HTR3E: variants seen among roughly 807,000 people sequenced by gnomAD.
HTR3E encodes 5-hydroxytryptamine receptor 3E.
In HTR3E, 38 loss-of-function variants were observed where a neutral mutation model predicts 38.0. That is an observed-to-expected ratio of 1.00 (90% CI 0.77 to 1.31). The LOEUF is 1.31. Among genes scored for constraint, HTR3E ranks in the 50% most tolerant of loss-of-function variants. The pLI is 0.00. For missense variants in HTR3E, 547 were observed against 585.2 expected, an observed-to-expected ratio of 0.93 and a Z score of 0.67; for synonymous variants, 210 against 232.9, an observed-to-expected ratio of 0.90 and a Z score of 0.89.
intron 2 of HTR3E, among the ~76,000 whole-genome samples, chr3:184,100,949 T>TTTTGTA (rs1254705667): frequency 2.6e-5 from 4 of 152,020 alleles, no homozygotes; most frequent in Non-Finnish European, 5.9e-5. Context: ...TTGTTTTTGT[T>TTTTGTA]TTTGTATTTT....
Position 184,097,498 on chromosome 3 carries a change from T to C in HTR3E, c.-32T>C, listed in dbSNP as rs943774488. On this transcript the variant is annotated 5_prime_UTR_variant, in exon 1 of 9. Transcript: ENST00000415389. ...TAATCTGGGCATTCCTGGGTCCCAGTACATGTTCAGAGAAGAACTTAGACA... is the reference window on the plus strand; with the variant it reads ...TAATCTGGGCATTCCTGGGTCCCAGCACATGTTCAGAGAAGAACTTAGACA... The C allele has an allele frequency of 1.1e-5, 16 of 1,509,672 alleles. No individual in the cohort carries two copies. Among genetic ancestry groups the C allele is most frequent in the Non-Finnish European group, 1.2e-5 (13 of 1,122,992 alleles). 93.5% of individuals were successfully genotyped at this position (1,509,672 alleles called of 1,614,324 possible).
At chr3:184,101,416 T>C (rs1236855758) in intron 2 of HTR3E, 69 bp from the exon 3 acceptor site, 2 of 1,295,896 alleles carry the variant, frequency 1.5e-6, no homozygotes, top group Non-Finnish European at 2.2e-6. Context: ...TAAACAAGCA[T>C]GGGAAGTGGG....
rs1475646397 is a variant in HTR3E, at chr3:184,097,665, C to A, written c.67+69C>A. ...CTCTCTCTAGTAGAACATCTAGGAACTTTTTTCAAATTTCCAACTCCTAGA... is the reference window on the plus strand; with the variant it reads ...CTCTCTCTAGTAGAACATCTAGGAAATTTTTTCAAATTTCCAACTCCTAGA... On this transcript the variant is annotated intron_variant, in intron 1 of 8. Transcript: ENST00000415389. 13 of 1,233,002 alleles carry A rather than the reference C, an allele frequency of 1.1e-5. No homozygotes were observed. The Admixed American group carries it at 2.7e-4, about 25-fold the overall frequency. 76.4% of individuals were successfully genotyped at this position (1,233,002 alleles called of 1,614,324 possible). A position where few individuals can be genotyped will look rare whatever the true frequency, so the allele number is the denominator to read the frequency against.
intron 1 of HTR3E, among the ~76,000 whole-genome samples, chr3:184,098,058 C>A (rs1327219708): frequency 6.6e-6 from 1 of 152,188 alleles, no homozygotes; most frequent in East Asian, 1.9e-4. Context: ...TGCCCACCTC[C>A]TTTAGCCATA....
chr3:184,100,685 C>A, intron 2 of HTR3E, 34 bp downstream of exon 2: 1 of 1,594,732 alleles, frequency 6.3e-7, no homozygotes, highest in South Asian at 1.1e-5. Flanking sequence ...TCCTTGGTGT[C>A]CTTAACCTTT....
At chr3:184,098,397 G>T (rs1711777143) in intron 1 of HTR3E, among the ~76,000 whole-genome samples, 1 of 152,210 alleles carries the variant, frequency 6.6e-6, no homozygotes, top group Non-Finnish European at 1.5e-5. Flanking sequence ...GCCAATAACT[G>T]TCATCTCTCC....
At chr3:184,102,932 AAAAAG>A (rs1712148238) in intron 3 of HTR3E, among the ~76,000 whole-genome samples, 1 of 152,168 alleles carries the variant, frequency 6.6e-6, no homozygotes, top group Non-Finnish European at 1.5e-5. Context: ...CTCAAAAAAA[AAAAAG>A]AAAAGAAAAC....
intron 3 of HTR3E, among the ~76,000 whole-genome samples, chr3:184,103,048 T>C (rs370554227): frequency 5.3e-5 from 8 of 152,316 alleles, no homozygotes; most frequent in Admixed American, 3.9e-4. Flanking sequence ...AAATGAAAAT[T>C]ATACATATGA....
At position 184,105,828 on chromosome 3, in the gene HTR3E, G is replaced by A; in HGVS notation, c.784G>A (p.Val262Ile). ...INLLVPSGFLVAIDALSFYLP... is the reference protein window; with the variant it reads ...INLLVPSGFLIAIDALSFYLP... ...CCTTCTCGTGCCCAGTGGCTTTCTG[G>A]TTGCCATCGATGCCCTCAGCTTCTA... is the stretch of plus-strand genomic sequence containing the variant. The change falls in exon 7 of 9, where the codon GTT becomes ATT. Residue 262 changes from valine (V) to isoleucine (I), a missense_variant. Physicochemically the swap from Val to Ile is conservative, Grantham distance 29 (BLOSUM62 3). Transcript: ENST00000415389. The A allele has an allele frequency of 1.2e-6, 2 of 1,614,066 alleles. No homozygotes were observed. The highest frequency in any genetic ancestry group is 1.7e-6 in the Non-Finnish European group (2 of 1,180,020).
In HTR3E at chr3:184,103,798, GA is replaced by G. The variant is rs965403309; in HGVS notation, c.280-374del. 6.6e-3 allele frequency among the ~76,000 whole-genome samples: 889 copies of G among 133,754 alleles called. 14 individuals are homozygous for G. The highest frequency in any genetic ancestry group is 0.024 in the African/African-American group (859 of 36,388). The allele number at this position is 133,754 out of a possible 152,430, so 87.7% of individuals were successfully genotyped here. On this transcript the variant is annotated intron_variant, in intron 3 of 8. Transcript: ENST00000415389. ...GGTGACAGAGCAAGACTCCATCTCA[GA>G]AAAAAAAAAGAAAGAAAAAGAAAAG...
Position 184,097,601 on chromosome 3 carries a change from G to C in HTR3E, c.67+5G>C. 6.5e-7 allele frequency: 1 copy of C among 1,534,342 alleles called. No individual in the cohort carries two copies. Among genetic ancestry groups the C allele is most frequent in the South Asian group, 1.2e-5 (1 of 84,024 alleles). On this transcript the variant is annotated splice_donor_5th_base_variant and intron_variant, in intron 1 of 8. Coordinates refer to ENST00000415389, the MANE Select transcript of HTR3E (RefSeq NM_001256613.2). Reference sequence around the variant, plus strand: ...TTCTCGGTTTTCTGCTTCAAGGTAAGAAAGGAGCAATGATGGGGGAAGGCG... The same window carrying C: ...TTCTCGGTTTTCTGCTTCAAGGTAACAAAGGAGCAATGATGGGGGAAGGCG...
chr3:184,105,470 T>C, intron 6 of HTR3E, 43 bp downstream of exon 6: 1 of 1,557,970 alleles, frequency 6.4e-7, no homozygotes. Flanking sequence ...CCCGCACTTT[T>C]ACCCTTGCCT....
At chr3:184,104,716 CAAAAAAA>C (rs66667882) in intron 4 of HTR3E, 64 bp from the exon 5 acceptor site, 3,365 of 833,680 alleles carry the variant, frequency 4.0e-3, no homozygotes, top group South Asian at 8.1e-3. Flanking sequence ...GATCCTGTCT[CAAAAAAA>C]AAAAAAAAAA....
At chr3:184,105,697 CT>C in intron 6 of HTR3E, 67 bp from the exon 7 acceptor site, 8 of 1,303,018 alleles carry the variant, frequency 6.1e-6, no homozygotes, top group East Asian at 2.3e-5. Context: ...GAAATTGTCA[CT>C]GCTATTCCTG....
At chr3:184,105,575 C>T in intron 6 of HTR3E, 148 bp downstream of exon 6, 1 of 1,067,728 alleles carries the variant, frequency 9.4e-7, no homozygotes, top group Non-Finnish European at 1.3e-6. Flanking sequence ...TCCTAAAGCT[C>T]AGGGCTCTGG....
chr3:184,101,152 C>T (rs893622005), intron 2 of HTR3E, among the ~76,000 whole-genome samples: 1 of 152,158 alleles, frequency 6.6e-6, no homozygotes, highest in Non-Finnish European at 1.5e-5. Context: ...CCATGTTGGC[C>T]AAGCTGGTCT....
intron 7 of HTR3E, 28 bp downstream of exon 7, chr3:184,105,997 G>T: frequency 6.2e-7 from 1 of 1,612,584 alleles, no homozygotes; most frequent in Non-Finnish European, 8.5e-7. Flanking sequence ...TTTTGGAAGA[G>T]AAGGGTGGGA....
intron 5 of HTR3E, 77 bp downstream of exon 5, chr3:184,105,033 G>T (rs1712337081): frequency 2.1e-6 from 3 of 1,428,124 alleles, no homozygotes; most frequent in East Asian, 4.6e-5. Context: ...AGTAAATGGT[G>T]ACCAAGGAGT....
At position 184,106,295 on chromosome 3, in the gene HTR3E, C is replaced by A. The variant is rs553776039; in HGVS notation, c.1093C>A (p.Pro365Thr). 27 of 1,613,448 alleles carry A rather than the reference C, an allele frequency of 1.7e-5. No individual in the cohort carries two copies. In the South Asian group the frequency reaches 2.9e-4, roughly 17 times the overall value. The change falls in exon 8 of 9, where the codon CCC becomes ACC. Residue 365 changes from proline to threonine, a missense_variant. By Grantham distance (38) the Pro-to-Thr change is conservative. Transcript: ENST00000415389. The surrounding 1 kb of genome is among the most constrained non-coding windows in gnomAD (Gnocchi z 4.1). ...NSPGRCCPTA[P>T]QKENKGPGLT... ...CCCGGGGAGATGCTGTCCCACTGCG[C>A]CCCAGAAGGAAAATAAGGGCCCGGG...
Sources: gnomAD v4.1 joint callset for allele counts (sites outside exome capture counted in the v4.1 genomes callset) on GRCh38, gnomAD v4.1.1 for gene constraint, Gnocchi (gnomAD v3.1) non-coding constraint, MANE v1.5 for transcripts, NCBI Gene and HGNC (gene_info 2026-07-23, HGNC 2026-07-21) for gene names.